The following ATP10A variants were observed in gnomAD, a reference collection of about 807,000 sequenced individuals.
ATP10A encodes the protein ATPase phospholipid transporting 10A (putative), also known as phospholipid-transporting ATPase VA.
A neutral mutation model predicts 147.8 loss-of-function variants in ATP10A; 111 were observed. The observed-to-expected ratio is 0.75, with a 90% CI of 0.64 to 0.88. The LOEUF is 0.88. ATP10A is among the 40% of genes least tolerant of loss of function. ATP10A has a pLI of 0.00. For missense variants in ATP10A, 1,927 were observed against 1,959.0 expected, an observed-to-expected ratio of 0.98 and a Z score of 0.31; for synonymous variants, 875 against 841.6, an observed-to-expected ratio of 1.04 and a Z score of -0.69.
At chr15:25,843,787 C>T (rs1892909606) in intron 1 of ATP10A, among the ~76,000 whole-genome samples, 1 of 152,162 alleles carries the variant, frequency 6.6e-6, no homozygotes, top group South Asian at 2.1e-4. Context: ...ATGCCCACAG[C>T]TCCCGTCGCA....
chr15:25,822,687 A>T (rs1417833932), intron 1 of ATP10A, among the ~76,000 whole-genome samples: 1 of 152,164 alleles, frequency 6.6e-6, no homozygotes, highest in African/African-American at 2.4e-5. Flanking sequence ...TCTCTCTCTC[A>T]CACACATACA....
intron 10 of ATP10A, among the ~76,000 whole-genome samples, chr15:25,712,908 C>T (rs1382289918): frequency 6.6e-6 from 1 of 152,204 alleles, no homozygotes; most frequent in Non-Finnish European, 1.5e-5. Flanking sequence ...GGGTCCTCTC[C>T]TGAGGCACTG....
intron 1 of ATP10A, among the ~76,000 whole-genome samples, chr15:25,826,145 A>C (rs1892104448): frequency 6.6e-6 from 1 of 152,238 alleles, no homozygotes; most frequent in Admixed American, 6.5e-5. Context: ...AGACAGAAAA[A>C]AAATGAAGAA....
rs940724117 is a variant in ATP10A at position 25,845,324 on chromosome 15, G to GTGTGTGTT, written c.449+17323_449+17324insAACACACA. ...ATCAGCACGGACCGTTTGTGTGTTT[G>GTGTGTGTT]TGTGTGTGTGTGTGTGTGTGTGTGT... On this transcript the variant is annotated intron_variant, in intron 1 of 20. Transcript: ENST00000555815. 9.9e-5 allele frequency among the ~76,000 whole-genome samples: 10 copies of GTGTGTGTT among 100,842 alleles called. No individual in the cohort carries two copies. The East Asian group carries it at 1.2e-3, about 12-fold the overall frequency. The allele number at this position is 100,842 out of a possible 152,430, so 66.2% of individuals were successfully genotyped here. A position where few individuals can be genotyped will look rare whatever the true frequency, so the allele number is the denominator to read the frequency against.
chr15:25,829,158 T>C (rs75331780), intron 1 of ATP10A, among the ~76,000 whole-genome samples: 4,324 of 152,216 alleles, frequency 0.028, 139 homozygotes, highest in African/African-American at 0.08. Flanking sequence ...TAAAATAATG[T>C]GGTGAAAAGT....
In ATP10A at chr15:25,708,231, G is replaced by A. The variant is rs201154784; in HGVS notation, c.2414C>T (p.Ala805Val). The part of the protein sequence containing the change: ...KTQNYLNVYA[A>V]EGLRTLCIAK... ...GATGCACAAGGTGCGCAGGCCTTCC[G>A]CCGCATACACGTTGAGGTAATTCTG... is the stretch of plus-strand genomic sequence containing the variant. Residue 805 changes from alanine (A) to valine (V), a missense_variant, in exon 11 of 21, where the codon GCG (alanine) becomes GTG (valine). By Grantham distance (64) the Ala-to-Val change is moderately conservative. Coordinates refer to ENST00000555815, the MANE Select transcript of ATP10A (RefSeq NM_024490.4). The A allele has an allele frequency of 1.8e-5, 29 of 1,614,158 alleles. No individual in the cohort carries two copies. Among genetic ancestry groups the A allele is most frequent in the East Asian group, 8.9e-5 (4 of 44,864 alleles).
Position 25,725,968 on chromosome 15 carries a change from G to C in ATP10A, c.962C>G (p.Ser321Cys), listed in dbSNP as rs746729234. Residue 321 changes from serine (S) to cysteine (C), a missense_variant, in exon 5 of 21, where the codon TCT becomes TGT. Physicochemically the swap from Ser to Cys is moderately radical, Grantham distance 112. Transcript: ENST00000555815. Reference sequence around the variant, plus strand: ...AGACTTACCGACTGCTGAAAACAGAGACATGCAAACAAGGAGCAGGACACA... The same window carrying C: ...AGACTTACCGACTGCTGAAAACAGACACATGCAAACAAGGAGCAGGACACA... ...LWCVLLLVCM[S>C]LFSAVGHGLW... 53 of 1,613,482 alleles carry C rather than the reference G, an allele frequency of 3.3e-5. No individual in the cohort carries two copies. The highest frequency in any genetic ancestry group is 1.1e-5 in the South Asian group (1 of 91,050).
intron 3 of ATP10A, among the ~76,000 whole-genome samples, chr15:25,732,646 C>T (rs1160621000): frequency 7.1e-6 from 1 of 140,474 alleles, no homozygotes; most frequent in Non-Finnish European, 1.5e-5. Context: ...AGCTCCGCCT[C>T]CCGGGTTCAC....
rs1567297307 is a variant in ATP10A, at chr15:25,683,272, C to CG, written c.3492+13dup. ...GCTCAGGAGGTGGAAGGCGGAGACT[C>CG]GGGGGAGCTTTACCTCCATGTTCTG... On this transcript the variant is annotated intron_variant, in intron 17 of 20. Transcript: ENST00000555815. 6.2e-7 allele frequency: 1 copy of CG among 1,611,868 alleles called. No individual in the cohort carries two copies. Among genetic ancestry groups the CG allele is most frequent in the Non-Finnish European group, 8.5e-7 (1 of 1,179,288 alleles).
chr15:25,779,675 G>A (rs528900235), intron 2 of ATP10A, among the ~76,000 whole-genome samples: 1 of 152,266 alleles, frequency 6.6e-6, no homozygotes, highest in East Asian at 1.9e-4. Context: ...GCGCCGCCAG[G>A]CTGTGCCTCG....
Position 25,718,360 on chromosome 15 carries a change from T to C in ATP10A, c.1403A>G (p.Glu468Gly). The change falls in exon 8 of 21, where the codon GAG (glutamate) becomes GGG (glycine). Residue 468 changes from glutamate to glycine, a missense_variant. Glu to Gly is a moderately conservative substitution (Grantham distance 98). Transcript: ENST00000555815. Reference protein sequence around the residue: ...LARYQEADSEEEEVVPRGGSV... With the variant: ...LARYQEADSEGEEVVPRGGSV... ...GCCCCCTCTGGGCACCACCTCCTCC[T>C]CCTCCGAGTCTGCCTCTTGGTACCT... 6.2e-7 allele frequency: 1 copy of C among 1,608,382 alleles called. No individual in the cohort carries two copies.
At chr15:25,721,101 G>A (rs1488079596) in intron 7 of ATP10A, among the ~76,000 whole-genome samples, 2 of 151,992 alleles carry the variant, frequency 1.3e-5, no homozygotes, top group Non-Finnish European at 2.9e-5. Context: ...TCAGAAGCTG[G>A]TGTCTCCCCA....
intron 1 of ATP10A, among the ~76,000 whole-genome samples, chr15:25,792,614 ACCC>A (rs1158795966): frequency 1.3e-5 from 2 of 151,964 alleles, no homozygotes; most frequent in Non-Finnish European, 2.9e-5. Context: ...TCCAACCCCA[ACCC>A]CCCAAGCACT....
intron 1 of ATP10A, among the ~76,000 whole-genome samples, chr15:25,809,771 T>G (rs1300866717): frequency 6.6e-6 from 1 of 152,132 alleles, no homozygotes; most frequent in Non-Finnish European, 1.5e-5. Context: ...ATACTGTAAC[T>G]TAAGCACGGG....
chr15:25,687,783 C>G lies in ATP10A; in HGVS notation c.3211G>C (p.Glu1071Gln). 1 of 1,613,868 alleles carries G rather than the reference C, an allele frequency of 6.2e-7. No homozygotes were observed. The highest frequency in any genetic ancestry group is 8.5e-7 in the Non-Finnish European group (1 of 1,179,874). The change falls in exon 16 of 21, where the codon GAG (glutamate) becomes CAG (glutamine). Residue 1071 changes from glutamate (E) to glutamine (Q), a missense_variant. Physicochemically the swap from Glu to Gln is conservative, Grantham distance 29. Transcript: ENST00000555815. ...DFAVPKFRYLERLLILHGHWC... is the reference protein window; with the variant it reads ...DFAVPKFRYLQRLLILHGHWC... Reference sequence around the variant, plus strand: ...TGCCCGTGAAGAATCAAGAGCCTCTCCAGGTATCGGAATTTCGGCACTGCA... The same window carrying G: ...TGCCCGTGAAGAATCAAGAGCCTCTGCAGGTATCGGAATTTCGGCACTGCA...
At position 25,766,551 on chromosome 15, in the gene ATP10A, C is replaced by T. The variant is rs570504126; in HGVS notation, c.654+14468G>A. ...CCTGAAATAGGGCTTCCCTCTGAGCCAGCAGAAGAAGTGAGGAGGGCAGGA... is the reference window on the plus strand; with the variant it reads ...CCTGAAATAGGGCTTCCCTCTGAGCTAGCAGAAGAAGTGAGGAGGGCAGGA... On this transcript the variant is annotated intron_variant, in intron 2 of 20. Transcript: ENST00000555815. Among the ~76,000 whole-genome samples, 23 of 152,064 alleles carry T rather than the reference C, an allele frequency of 1.5e-4. No homozygotes were observed. In the South Asian group the frequency reaches 4.2e-3, roughly 28 times the overall value.
intron 2 of ATP10A, among the ~76,000 whole-genome samples, chr15:25,756,881 T>A (rs532038443): frequency 1.3e-5 from 2 of 152,330 alleles, no homozygotes; most frequent in East Asian, 3.9e-4. Flanking sequence ...CATTTGCATG[T>A]TGTAAAAATG....
Position 25,812,331 on chromosome 15 carries a change from A to T in ATP10A, c.450-31108T>A, listed in dbSNP as rs118015895. Among the ~76,000 whole-genome samples the T allele has an allele frequency of 1.2e-4, 18 of 152,342 alleles. No homozygotes were observed. In the East Asian group the frequency reaches 3.5e-3, roughly 29 times the overall value. ...TTGTAGTTTGGATATCATGACCTGT[A>T]CTAAGTACAAAGCTCTATTTGTTTC... On this transcript the variant is annotated intron_variant, in intron 1 of 20. Transcript: ENST00000555815.
intron 1 of ATP10A, among the ~76,000 whole-genome samples, chr15:25,827,297 C>G (rs916843170): frequency 2.6e-5 from 4 of 152,202 alleles, no homozygotes; most frequent in Middle Eastern, 3.2e-3. Flanking sequence ...AATGAAAGCA[C>G]ACTAGACTGT....
Sources: allele counts gnomAD v4.1 joint callset (sites outside exome capture counted in the v4.1 genomes callset), GRCh38; gene constraint gnomAD v4.1.1; transcripts MANE v1.5; gene names NCBI Gene and HGNC (gene_info 2026-07-23, HGNC 2026-07-21).